The following SPMAP2L variants were observed in gnomAD, a reference collection of about 807,000 sequenced individuals.
SPMAP2L encodes sperm microtubule associated protein 2 like.
chr4:56,600,683 A>G, the SPMAP2L span, among the ~76,000 whole-genome samples: 1 of 152,164 alleles, frequency 6.6e-6, no homozygotes, highest in Non-Finnish European at 1.5e-5. Flanking sequence ...TTAAGTGGGA[A>G]TGATTTAGGT....
At chr4:56,538,075 A>G in the SPMAP2L span, among the ~76,000 whole-genome samples, 1 of 152,156 alleles carries the variant, frequency 6.6e-6, no homozygotes, top group South Asian at 2.1e-4. Context: ...TACCGCAGCC[A>G]GAGTGGGTAT....
chr4:56,559,525 G>C, the SPMAP2L span: 1 of 1,490,308 alleles, frequency 6.7e-7, no homozygotes, highest in Non-Finnish European at 8.8e-7. Context: ...TAACAGGTTA[G>C]TGTCTGTGTG....
the SPMAP2L span, among the ~76,000 whole-genome samples, chr4:56,536,881 A>G: frequency 6.6e-6 from 1 of 152,148 alleles, no homozygotes; most frequent in Non-Finnish European, 1.5e-5. Flanking sequence ...CTCCTGTCTC[A>G]GCCTCCAGAG....
chr4:56,603,479 A>G, the SPMAP2L span: 8 of 508,228 alleles, frequency 1.6e-5, no homozygotes, highest in Non-Finnish European at 2.4e-5. Context: ...ATCATTAAAT[A>G]GCAGTTGTTG....
the SPMAP2L span, among the ~76,000 whole-genome samples, chr4:56,597,423 T>C: frequency 2.6e-5 from 4 of 152,184 alleles, no homozygotes; most frequent in East Asian, 5.8e-4. Flanking sequence ...AGTGCCAACT[T>C]GGTGCCCTAT....
At chr4:56,624,571 T>C in the SPMAP2L span, among the ~76,000 whole-genome samples, 31,002 of 152,032 alleles carry the variant, frequency 0.2, 3,770 homozygotes, top group African/African-American at 0.33. Context: ...CCCCATGCTA[T>C]GTTCAGCCTA....
chr4:56,598,074 G>C, the SPMAP2L span, among the ~76,000 whole-genome samples: 19 of 152,254 alleles, frequency 1.2e-4, no homozygotes, highest in African/African-American at 4.3e-4. Context: ...TATTGCCCAG[G>C]CTGGTCTGGA....
At chr4:56,552,263 G>A in the SPMAP2L span, among the ~76,000 whole-genome samples, 145 of 152,296 alleles carry the variant, frequency 9.5e-4, 1 homozygote, top group African/African-American at 2.8e-3. Flanking sequence ...GGTTTTTCCT[G>A]TTAACAAGTG....
the SPMAP2L span, among the ~76,000 whole-genome samples, chr4:56,559,107 T>A: frequency 6.6e-6 from 1 of 151,854 alleles, no homozygotes; most frequent in Non-Finnish European, 1.5e-5. Context: ...CTAATTTTTG[T>A]AGTTTTAGTA....
the SPMAP2L span, among the ~76,000 whole-genome samples, chr4:56,540,178 C>T: frequency 1.3e-5 from 2 of 152,186 alleles, no homozygotes; most frequent in Non-Finnish European, 1.5e-5. Flanking sequence ...ATTTGCATCC[C>T]CATTTTACAG....
the SPMAP2L span, among the ~76,000 whole-genome samples, chr4:56,581,991 G>T: frequency 6.6e-6 from 1 of 152,082 alleles, no homozygotes; most frequent in Non-Finnish European, 1.5e-5. Context: ...GATGTTTGAC[G>T]CCCACATCAT....
chr4:56,575,727 A>G, the SPMAP2L span: 6 of 1,333,528 alleles, frequency 4.5e-6, no homozygotes, highest in African/African-American at 7.3e-5. Flanking sequence ...AGTGTGTGCA[A>G]TTTCATGAGC....
the SPMAP2L span, among the ~76,000 whole-genome samples, chr4:56,538,504 T>C: frequency 6.6e-6 from 1 of 152,138 alleles, no homozygotes; most frequent in African/African-American, 2.4e-5. Context: ...TTTTCAGACT[T>C]TGCTTTAGAA....
At chr4:56,538,152 A>G in the SPMAP2L span, among the ~76,000 whole-genome samples, 1 of 152,190 alleles carries the variant, frequency 6.6e-6, no homozygotes, top group South Asian at 2.1e-4. Flanking sequence ...TGCTCTTACA[A>G]TAAATCCAAG....
the SPMAP2L span, among the ~76,000 whole-genome samples, chr4:56,606,034 A>G: frequency 6.6e-6 from 1 of 152,316 alleles, no homozygotes; most frequent in South Asian, 2.1e-4. Flanking sequence ...ACCTAGGTAT[A>G]AAAGTTAATC....
the SPMAP2L span, among the ~76,000 whole-genome samples, chr4:56,602,678 G>C: frequency 6.6e-6 from 1 of 152,172 alleles, no homozygotes; most frequent in Non-Finnish European, 1.5e-5. Context: ...CTGGGTGACA[G>C]AGTGAAACCC....
chr4:56,560,588 G>A, the SPMAP2L span, among the ~76,000 whole-genome samples: 1 of 152,122 alleles, frequency 6.6e-6, no homozygotes. Flanking sequence ...AACTCAACAA[G>A]TTTGTATCAT....
chr4:56,582,789 A>T, the SPMAP2L span, among the ~76,000 whole-genome samples: 1 of 152,246 alleles, frequency 6.6e-6, no homozygotes, highest in South Asian at 2.1e-4. Context: ...ATTATTCATA[A>T]TAGCCAAAAA....
At chr4:56,615,501 C>T in the SPMAP2L span, among the ~76,000 whole-genome samples, 8 of 152,132 alleles carry the variant, frequency 5.3e-5, no homozygotes, top group Admixed American at 3.3e-4. Context: ...AATCCCAGCA[C>T]TTTGGGAGGC....
Sources: allele counts gnomAD v4.1 joint callset (sites outside exome capture counted in the v4.1 genomes callset), GRCh38; gene constraint gnomAD v4.1.1; transcripts MANE v1.5; gene names NCBI Gene and HGNC (gene_info 2026-07-23, HGNC 2026-07-21).